The following KRTAP1-4 variants were observed in gnomAD, a reference collection of about 807,000 sequenced individuals.
KRTAP1-4 encodes keratin-associated protein 1-4.
Under a neutral mutation model 8.6 loss-of-function variants are expected in KRTAP1-4, and 5 were observed. The observed-to-expected ratio is 0.58, with a 90% CI of 0.30 to 1.23. The LOEUF (loss-of-function observed/expected upper bound fraction) is 1.23, where lower values mean the gene tolerates loss of function less well. Among genes scored for constraint, KRTAP1-4 ranks in the 50% most tolerant of loss-of-function variants. The pLI is 0.07. For missense variants in KRTAP1-4, 157 were observed against 160.7 expected (o/e 0.98, Z 0.12); for synonymous variants, 50 against 58.9 (o/e 0.85, Z 0.69).
In KRTAP1-4 at chr17:41,030,013, A is replaced by G. The variant is rs1157145977; in HGVS notation, c.66T>C (p.Thr22=). 3.7e-6 allele frequency: 6 copies of G among 1,610,874 alleles called. No individual in the cohort carries two copies. Among genetic ancestry groups the G allele is most frequent in the East Asian group, 2.2e-5 (1 of 44,752 alleles). ...GGCAGCAGCTTGGCTGGCAGCAGCT[A>G]GTTTCACAGCAGCTTGGCTGGCAGC... ...SSCCQPSCCE[T]SCCQPSCCQT... is the part of the protein sequence containing the mutation. The change falls in exon 1 of 1, where the codon ACT becomes ACC. Residue 22 remains threonine, a synonymous_variant. Coordinates refer to ENST00000377747, the MANE Select transcript of KRTAP1-4 (RefSeq NM_001257305.2).
rs765650203 is a variant in KRTAP1-4 at position 41,029,921 on chromosome 17, C to A, written c.158G>T (p.Gly53Val). 1 of 1,606,528 alleles carries A rather than the reference C, an allele frequency of 6.2e-7. No individual in the cohort carries two copies. Reference sequence around the variant, plus strand: ...CCTGATACGGGTGCTCACAGATCCACCGCTGCCCTCCTGGCCATAGCCAAT... The same window carrying A: ...CCTGATACGGGTGCTCACAGATCCAACGCTGCCCTCCTGGCCATAGCCAAT... ...GGIGYGQEGS[G>V]GSVSTRIRWC... The change falls in exon 1 of 1, where the codon GGT (glycine) becomes GTT (valine). Residue 53 changes from glycine (G) to valine (V), a missense_variant. By Grantham distance (109) the Gly-to-Val change is moderately radical. Coordinates refer to ENST00000377747, the MANE Select transcript of KRTAP1-4 (RefSeq NM_001257305.2).
rs1555571574 is a variant in KRTAP1-4, at chr17:41,029,707, T to C, written c.*6A>G. On this transcript the variant is annotated 3_prime_UTR_variant, in exon 1 of 1. Coordinates refer to ENST00000377747, the MANE Select transcript of KRTAP1-4 (RefSeq NM_001257305.2). ...TTTCATTCTTAAGCGATCAGCAACC[T>C]GGCTTTTAGCAGGTGGGCTCACAGC... The C allele has an allele frequency of 2.0e-6, 3 of 1,530,574 alleles. No homozygotes were observed. In the South Asian group the frequency reaches 3.9e-5, roughly 20 times the overall value. The allele number at this position is 1,530,574 out of a possible 1,614,324, so 94.8% of individuals were successfully genotyped here.
Position 41,029,595 on chromosome 17 carries a change from G to T in KRTAP1-4, c.*118C>A. The T allele has an allele frequency of 7.2e-7, 1 of 1,391,752 alleles. No individual in the cohort carries two copies. Among genetic ancestry groups the T allele is most frequent in the South Asian group, 1.6e-5 (1 of 63,950 alleles). The allele number at this position is 1,391,752 out of a possible 1,614,324, so 86.2% of individuals were successfully genotyped here. The stretch of plus-strand genomic sequence containing the variant: ...CCTAACTAGGAGTTTCATTATCTCT[G>T]AGCAGCTTAACAACATCATGGTACT... On this transcript the variant is annotated 3_prime_UTR_variant, in exon 1 of 1. Coordinates refer to ENST00000377747, the MANE Select transcript of KRTAP1-4 (RefSeq NM_001257305.2).
rs1330538383 is a variant in KRTAP1-4 at position 41,029,442 on chromosome 17, T to C, written c.*271A>G. Reference sequence around the variant, plus strand: ...AAGATGCATGAGCATCAAGAGAGAGTTGGGGGAGCAGAGATGTCACTGAAA... The same window carrying C: ...AAGATGCATGAGCATCAAGAGAGAGCTGGGGGAGCAGAGATGTCACTGAAA... On this transcript the variant is annotated 3_prime_UTR_variant, in exon 1 of 1. Coordinates refer to ENST00000377747, the MANE Select transcript of KRTAP1-4 (RefSeq NM_001257305.2). Among the ~76,000 whole-genome samples the C allele has an allele frequency of 6.6e-6, 1 of 152,046 alleles. No individual in the cohort carries two copies. The highest frequency in any genetic ancestry group is 2.4e-5 in the African/African-American group (1 of 41,378).
chr17:41,029,627 C>A lies in KRTAP1-4; in HGVS notation c.*86G>T. 2 of 1,448,418 alleles carry A rather than the reference C, an allele frequency of 1.4e-6. No homozygotes were observed. Among genetic ancestry groups the A allele is most frequent in the Non-Finnish European group, 1.8e-6 (2 of 1,096,328 alleles). The allele number at this position is 1,448,418 out of a possible 1,614,324, so 89.7% of individuals were successfully genotyped here. ...TTAACAACATCATGGTACTTAGCAT[C>A]CAAGTAAAATCGAACAGTTCTTCAG... On this transcript the variant is annotated 3_prime_UTR_variant, in exon 1 of 1. Coordinates refer to ENST00000377747, the MANE Select transcript of KRTAP1-4 (RefSeq NM_001257305.2).
Position 41,030,182 on chromosome 17 carries a change from C to T in KRTAP1-4, c.-104G>A, listed in dbSNP as rs1485039468. On this transcript the variant is annotated 5_prime_UTR_variant, in exon 1 of 1. Transcript: ENST00000377747. Reference sequence around the variant, plus strand: ...TATGTTCCCTAGAGCTGCATATTTACCCAACACCTTTTCTTGATGTCAATT... The same window carrying T: ...TATGTTCCCTAGAGCTGCATATTTATCCAACACCTTTTCTTGATGTCAATT... The T allele has an allele frequency of 2.7e-6, 4 of 1,460,030 alleles. No individual in the cohort carries two copies. Among genetic ancestry groups the T allele is most frequent in the Non-Finnish European group, 3.7e-6 (4 of 1,084,218 alleles). 90.4% of individuals were successfully genotyped at this position (1,460,030 alleles called of 1,614,324 possible). A position where few individuals can be genotyped will look rare whatever the true frequency, so the allele number is the denominator to read the frequency against.
In KRTAP1-4 at chr17:41,029,539, T is replaced by A. The variant is rs1267474734; in HGVS notation, c.*174A>T. ...TCCAGAACACTGATTGATACATCTT[T>A]CAGTAAGTGAATTCGGCACATCCAC... is the stretch of plus-strand genomic sequence containing the variant. On this transcript the variant is annotated 3_prime_UTR_variant, in exon 1 of 1. Coordinates refer to ENST00000377747, the MANE Select transcript of KRTAP1-4 (RefSeq NM_001257305.2). Among the ~76,000 whole-genome samples, 1 of 152,212 alleles carries A rather than the reference T, an allele frequency of 6.6e-6. No individual in the cohort carries two copies. The highest frequency in any genetic ancestry group is 6.5e-5 in the Admixed American group (1 of 15,286).
Position 41,029,904 on chromosome 17 carries a change from G to A in KRTAP1-4, c.175C>T (p.Arg59Cys), listed in dbSNP as rs547591825. ...QEGSGGSVST[R>C]IRWCHPDCHV... ...CAATCTGGGTGGCACCACCTGATAC[G>A]GGTGCTCACAGATCCACCGCTGCCC... is the stretch of plus-strand genomic sequence containing the variant. Residue 59 changes from arginine to cysteine, a missense_variant, in exon 1 of 1, where the codon CGT becomes TGT. Arg to Cys is a radical substitution (Grantham distance 180, BLOSUM62 -3). Coordinates refer to ENST00000377747, the MANE Select transcript of KRTAP1-4 (RefSeq NM_001257305.2). 9 of 1,606,490 alleles carry A rather than the reference G, an allele frequency of 5.6e-6. No homozygotes were observed. The South Asian group carries it at 6.7e-5, about 12-fold the overall frequency.
Position 41,029,907 on chromosome 17 carries a change from T to C in KRTAP1-4, c.172A>G (p.Thr58Ala), listed in dbSNP as rs1471281947. 2 of 1,606,286 alleles carry C rather than the reference T, an allele frequency of 1.2e-6. No homozygotes were observed. The highest frequency in any genetic ancestry group is 2.2e-5 in the South Asian group (2 of 89,838). Residue 58 changes from threonine to alanine, a missense_variant, in exon 1 of 1, where the codon ACC becomes GCC. Coordinates refer to ENST00000377747, the MANE Select transcript of KRTAP1-4 (RefSeq NM_001257305.2). ...GQEGSGGSVS[T>A]RIRWCHPDCH... ...TCTGGGTGGCACCACCTGATACGGG[T>C]GCTCACAGATCCACCGCTGCCCTCC...
At position 41,029,680 on chromosome 17, in the gene KRTAP1-4, C is replaced by T. The variant is rs922002587; in HGVS notation, c.*33G>A. On this transcript the variant is annotated 3_prime_UTR_variant, in exon 1 of 1. Transcript: ENST00000377747. ...ATCAGCACAATTTTGCTGTGCTTCC[C>T]CTTTCATTCTTAAGCGATCAGCAAC... 1.2e-5 allele frequency: 18 copies of T among 1,505,986 alleles called. No individual in the cohort carries two copies. The highest frequency in any genetic ancestry group is 1.6e-5 in the Non-Finnish European group (18 of 1,127,878). The allele number at this position is 1,505,986 out of a possible 1,614,324, so 93.3% of individuals were successfully genotyped here.
Position 41,029,824 on chromosome 17 carries a change from T to A in KRTAP1-4, c.255A>T (p.Pro85=), listed in dbSNP as rs1567895062. Residue 85 remains proline (P), a synonymous_variant, in exon 1 of 1, where the codon CCA becomes CCT. Transcript: ENST00000377747. The stretch of plus-strand genomic sequence containing the variant: ...CGGCGTGGTGCAGCTGGCAGCAGGA[T>A]GGGGGTGTGCAGCTTACCAGGTAGC... ...PPCYLVSCTP[P]SCCQLHHAEA... is the part of the protein sequence containing the mutation. 1.2e-6 allele frequency: 2 copies of A among 1,611,466 alleles called. No homozygotes were observed. The highest frequency in any genetic ancestry group is 3.4e-5 in the Admixed American group (2 of 59,684).
Position 41,029,903 on chromosome 17 carries a change from C to G in KRTAP1-4, c.176G>C (p.Arg59Pro), listed in dbSNP as rs766321248. Residue 59 changes from arginine (R) to proline (P), a missense_variant, in exon 1 of 1, where the codon CGT (arginine) becomes CCT (proline). By Grantham distance (103) the Arg-to-Pro change is moderately radical (BLOSUM62 -2). Coordinates refer to ENST00000377747, the MANE Select transcript of KRTAP1-4 (RefSeq NM_001257305.2). ...GCAATCTGGGTGGCACCACCTGATA[C>G]GGGTGCTCACAGATCCACCGCTGCC... ...QEGSGGSVST[R>P]IRWCHPDCHV... 2.5e-6 allele frequency: 4 copies of G among 1,606,176 alleles called. No individual in the cohort carries two copies. Among genetic ancestry groups the G allele is most frequent in the African/African-American group, 2.7e-5 (2 of 74,716 alleles).
In KRTAP1-4 at chr17:41,029,968, G is replaced by A. The variant is rs8073323; in HGVS notation, c.111C>T (p.Thr37=). The A allele has an allele frequency of 0.27, 440,812 of 1,608,922 alleles. 62,621 individuals carry two copies. Among genetic ancestry groups the A allele is most frequent in the South Asian group, 0.4 (35,698 of 90,372 alleles). The change falls in exon 1 of 1, where the codon ACC becomes ACT. Residue 37 remains threonine, a synonymous_variant. Transcript: ENST00000377747. ...CAATGCCACCACCAATGCCACAGCC[G>A]GTTCCGCAGGAGCTGGTCTGGCAGC... is the stretch of plus-strand genomic sequence containing the variant. ...PSCCQTSSCG[T]GCGIGGGIGY...
chr17:41,029,767 T>C lies in KRTAP1-4; in HGVS notation c.312A>G (p.Gly104=), dbSNP rs559664876. ...AGCAGGCTGGGCGGCAGCAGGACTG[T>C]CCACAGTAGGACGGGCGGCAGCAGG... ...EASCCRPSYC[G]QSCCRPACCC... Residue 104 remains glycine, a synonymous_variant, in exon 1 of 1, where the codon GGA becomes GGG. Coordinates refer to ENST00000377747, the MANE Select transcript of KRTAP1-4 (RefSeq NM_001257305.2). The C allele has an allele frequency of 3.0e-5, 48 of 1,594,912 alleles. No homozygotes were observed. The African/African-American group carries it at 6.4e-4, about 21-fold the overall frequency.
chr17:41,029,924 C>T lies in KRTAP1-4; in HGVS notation c.155G>A (p.Ser52Asn), dbSNP rs752090297. Residue 52 changes from serine (S) to asparagine (N), a missense_variant, in exon 1 of 1, where the codon AGC (serine) becomes AAC (asparagine). Transcript: ENST00000377747. ...GGGIGYGQEG[S>N]GGSVSTRIRW... Reference sequence around the variant, plus strand: ...GATACGGGTGCTCACAGATCCACCGCTGCCCTCCTGGCCATAGCCAATGCC... The same window carrying T: ...GATACGGGTGCTCACAGATCCACCGTTGCCCTCCTGGCCATAGCCAATGCC... 1.2e-6 allele frequency: 2 copies of T among 1,607,278 alleles called. No homozygotes were observed. The highest frequency in any genetic ancestry group is 2.7e-5 in the African/African-American group (2 of 74,712).
At position 41,029,515 on chromosome 17, in the gene KRTAP1-4, C is replaced by G. The variant is rs1002382858; in HGVS notation, c.*198G>C. On this transcript the variant is annotated 3_prime_UTR_variant, in exon 1 of 1. Coordinates refer to ENST00000377747, the MANE Select transcript of KRTAP1-4 (RefSeq NM_001257305.2). The stretch of plus-strand genomic sequence containing the variant: ...CCTCTGCTCAAGCAACGCAAGCTAT[C>G]CAGAACACTGATTGATACATCTTTC... Among the ~76,000 whole-genome samples, 1 of 152,212 alleles carries G rather than the reference C, an allele frequency of 6.6e-6. No individual in the cohort carries two copies. Among genetic ancestry groups the G allele is most frequent in the Non-Finnish European group, 1.5e-5 (1 of 68,038 alleles).
Position 41,030,142 on chromosome 17 carries a change from A to G in KRTAP1-4, c.-64T>C, listed in dbSNP as rs564618138. The G allele has an allele frequency of 1.9e-6, 3 of 1,542,102 alleles. No homozygotes were observed. Among genetic ancestry groups the G allele is most frequent in the Non-Finnish European group, 2.6e-6 (3 of 1,140,646 alleles). ...TTTCTGAGTTTGGGCTGTACCTTCT[A>G]TATCTGTCCTTTGATATGTTCCCTA... On this transcript the variant is annotated 5_prime_UTR_variant, in exon 1 of 1. Coordinates refer to ENST00000377747, the MANE Select transcript of KRTAP1-4 (RefSeq NM_001257305.2).
In KRTAP1-4 at chr17:41,029,472, G is replaced by A. The variant is rs2012401494; in HGVS notation, c.*241C>T. 6.6e-6 allele frequency among the ~76,000 whole-genome samples: 1 copy of A among 152,200 alleles called. No homozygotes were observed. Among genetic ancestry groups the A allele is most frequent in the South Asian group, 2.1e-4 (1 of 4,838 alleles). ...GGAGCAGAGATGTCACTGAAATGATGAACTATTCCATCCTGGTCCTCTGCT... is the reference window on the plus strand; with the variant it reads ...GGAGCAGAGATGTCACTGAAATGATAAACTATTCCATCCTGGTCCTCTGCT... On this transcript the variant is annotated 3_prime_UTR_variant, in exon 1 of 1. Transcript: ENST00000377747.
Position 41,030,189 on chromosome 17 carries a change from C to T in KRTAP1-4, c.-111G>A, listed in dbSNP as rs1431403618. 7.0e-7 allele frequency: 1 copy of T among 1,435,632 alleles called. No individual in the cohort carries two copies. The highest frequency in any genetic ancestry group is 9.4e-7 in the Non-Finnish European group (1 of 1,065,652). 88.9% of individuals were successfully genotyped at this position (1,435,632 alleles called of 1,614,324 possible). On this transcript the variant is annotated 5_prime_UTR_variant, in exon 1 of 1. The change creates a new upstream start codon in the 5' untranslated region. Transcript: ENST00000377747. ...CCTAGAGCTGCATATTTACCCAACA[C>T]CTTTTCTTGATGTCAATTTCAGTGT...
Sources: allele counts gnomAD v4.1 joint callset (sites outside exome capture counted in the v4.1 genomes callset), GRCh38; gene constraint gnomAD v4.1.1; transcripts MANE v1.5; gene names NCBI Gene and HGNC (gene_info 2026-07-23, HGNC 2026-07-21).